The following NRXN1 variants were observed in gnomAD, a reference collection of about 807,000 sequenced individuals.
NRXN1 encodes neurexin 1, also known as neurexin-1.
Under a neutral mutation model 150.9 loss-of-function variants are expected in NRXN1, and 39 were observed. That is an observed-to-expected ratio of 0.26 (90% confidence interval 0.20 to 0.34). The LOEUF (loss-of-function observed/expected upper bound fraction) is 0.34, where lower values mean the gene tolerates loss of function less well. NRXN1 is among the 10% of genes least tolerant of loss of function. The pLI is 1.00. For missense variants in NRXN1, 1,815 were observed against 1,949.9 expected, an observed-to-expected ratio of 0.93 and a Z score of 1.30; for synonymous variants, 924 against 757.0, an observed-to-expected ratio of 1.22 and a Z score of -3.62.
chr2:49,936,221 A>G (rs1305669138), intron 22 of NRXN1, among the ~76,000 whole-genome samples: 2 of 152,332 alleles, frequency 1.3e-5, no homozygotes, highest in African/African-American at 2.4e-5. Flanking sequence ...AGTAATTATT[A>G]TAAGTGGCCA....
chr2:49,951,688 C>T (rs189978417), intron 21 of NRXN1, among the ~76,000 whole-genome samples: 1 of 152,016 alleles, frequency 6.6e-6, no homozygotes, highest in Admixed American at 6.6e-5. Flanking sequence ...AGGCTTCTAG[C>T]TGTATCAGTA....
At chr2:50,920,967 G>A (rs950749912) in intron 5 of NRXN1, among the ~76,000 whole-genome samples, 1 of 151,584 alleles carries the variant, frequency 6.6e-6, no homozygotes, top group Admixed American at 6.6e-5. Context: ...ACATAAAGGT[G>A]CAGAACTGTG....
intron 5 of NRXN1, among the ~76,000 whole-genome samples, chr2:50,734,971 C>A (rs182754798): frequency 4.9e-4 from 75 of 152,246 alleles, no homozygotes; most frequent in Middle Eastern, 3.4e-3. Context: ...CTACAATATA[C>A]CTGTTCAAAT....
At chr2:51,014,205 G>C (rs1668320071) in intron 2 of NRXN1, among the ~76,000 whole-genome samples, 1 of 152,036 alleles carries the variant, frequency 6.6e-6, no homozygotes, top group Non-Finnish European at 1.5e-5. Context: ...ACTAGCCTTT[G>C]GAAGAGCATT....
rs528701222 is a variant in NRXN1 at position 49,991,155 on chromosome 2, C to T, written c.4129-47364G>A. Among the ~76,000 whole-genome samples the T allele has an allele frequency of 1.6e-4, 24 of 152,258 alleles. No individual in the cohort carries two copies. The South Asian group carries it at 3.3e-3, about 21-fold the overall frequency. ...TAATAGTGAGAAACTTGACACTTCT[C>T]CACTAAGACTAGAAACAAGACAAGG... On this transcript the variant is annotated intron_variant, in intron 21 of 22. Coordinates refer to ENST00000401669, the MANE Select transcript of NRXN1 (RefSeq NM_001330078.2).
chr2:50,682,463 C>T (rs1216415291), intron 5 of NRXN1, among the ~76,000 whole-genome samples: 1 of 152,072 alleles, frequency 6.6e-6, no homozygotes, highest in Non-Finnish European at 1.5e-5. Flanking sequence ...ATTTCCTTGG[C>T]TTATCAACAT....
chr2:51,024,435 G>T (rs1412259827), intron 2 of NRXN1, among the ~76,000 whole-genome samples: 1 of 152,008 alleles, frequency 6.6e-6, no homozygotes, highest in African/African-American at 2.4e-5. Flanking sequence ...TTATTTGCCA[G>T]ACGTCAAGAA....
chr2:50,829,393 G>A (rs1671062367), intron 5 of NRXN1: 2 of 1,221,956 alleles, frequency 1.6e-6, no homozygotes, highest in Non-Finnish European at 2.4e-6. Flanking sequence ...CTCCCAAAGT[G>A]CGGGGATTAC....
At chr2:50,333,611 T>A (rs1467630560) in intron 17 of NRXN1, among the ~76,000 whole-genome samples, 1 of 152,042 alleles carries the variant, frequency 6.6e-6, no homozygotes, top group African/African-American at 2.4e-5. Flanking sequence ...GTGTCTGTTC[T>A]AGGACACTGC....
intron 19 of NRXN1, among the ~76,000 whole-genome samples, chr2:50,070,575 C>A (rs1027310296): frequency 5.3e-5 from 8 of 151,754 alleles, no homozygotes; most frequent in Non-Finnish European, 8.8e-5. Context: ...TCGAGACCAT[C>A]CCGGCTAAAA....
chr2:50,046,909 G>A (rs190129699), intron 21 of NRXN1, among the ~76,000 whole-genome samples: 2 of 152,204 alleles, frequency 1.3e-5, no homozygotes, highest in East Asian at 3.9e-4. Flanking sequence ...ATTAGAAGGA[G>A]TAATACATGA....
intron 2 of NRXN1, among the ~76,000 whole-genome samples, chr2:50,956,398 A>G (rs1692288890): frequency 6.6e-6 from 1 of 152,146 alleles, no homozygotes; most frequent in Non-Finnish European, 1.5e-5. Context: ...TAATCGCTAT[A>G]CATAATACTA....
At chr2:50,324,955 G>A (rs966223866) in intron 17 of NRXN1, among the ~76,000 whole-genome samples, 12 of 152,266 alleles carry the variant, frequency 7.9e-5, no homozygotes, top group African/African-American at 2.9e-4. Flanking sequence ...TGTATTCTTG[G>A]ACTTTGATGC....
At chr2:50,155,571 T>C (rs2058967897) in intron 18 of NRXN1, among the ~76,000 whole-genome samples, 1 of 151,652 alleles carries the variant, frequency 6.6e-6, no homozygotes, top group Admixed American at 6.6e-5. Flanking sequence ...GATCCTTCTC[T>C]AGAATAAAAA....
intron 12 of NRXN1, 132 bp downstream of exon 12, chr2:50,528,493 G>C: frequency 1.6e-6 from 1 of 629,680 alleles, no homozygotes; most frequent in Non-Finnish European, 2.8e-6. Flanking sequence ...CCAGATGATG[G>C]ACTGGTATAC....
chr2:50,143,464 C>T (rs548152915), intron 18 of NRXN1, among the ~76,000 whole-genome samples: 5 of 151,908 alleles, frequency 3.3e-5, no homozygotes, highest in Middle Eastern at 3.4e-3. Flanking sequence ...ATTTATTATG[C>T]GCTGATTTAA....
At chr2:50,956,694 G>A (rs1476154403) in intron 2 of NRXN1, among the ~76,000 whole-genome samples, 2 of 151,894 alleles carry the variant, frequency 1.3e-5, no homozygotes, top group Non-Finnish European at 2.9e-5. Flanking sequence ...GTTGCAGTGG[G>A]CGACAGAGTG....
chr2:50,978,422 T>C (rs1696261114), intron 2 of NRXN1, among the ~76,000 whole-genome samples: 2 of 150,528 alleles, frequency 1.3e-5, no homozygotes, highest in South Asian at 2.1e-4. Context: ...TATGTATTTG[T>C]ATAATCTGCA....
chr2:50,318,810 C>T (rs1445216368), intron 17 of NRXN1, among the ~76,000 whole-genome samples: 3 of 152,028 alleles, frequency 2.0e-5, no homozygotes, highest in Admixed American at 2.0e-4. Context: ...AGGTAGCTAG[C>T]TATCTCAGGA....
Sources: gnomAD v4.1 joint callset for allele counts (sites outside exome capture counted in the v4.1 genomes callset) on GRCh38, gnomAD v4.1.1 for gene constraint, MANE v1.5 for transcripts, NCBI Gene and HGNC (gene_info 2026-07-23, HGNC 2026-07-21) for gene names.